Variants in WASF3 observed in about 807,000 individuals in gnomAD.
WASF3 encodes the protein actin-binding protein WASF3.
In WASF3, 11 loss-of-function variants were observed where a neutral mutation model predicts 46.6. The ratio of observed to expected loss-of-function variants is 0.24; its 90% CI spans 0.15 to 0.39. The LOEUF (loss-of-function observed/expected upper bound fraction) is 0.39. Ranked by LOEUF, WASF3 falls within the 10% of genes least tolerant of loss-of-function variation. WASF3 has a pLI of 1.00. For synonymous variants in WASF3, 242 were observed against 259.7 expected (o/e 0.93, Z 0.65); for missense variants, 576 against 669.8 (o/e 0.86, Z 1.55).
chr13:26,565,790 T>G (rs566194150), intron 1 of WASF3, among the ~76,000 whole-genome samples: 12 of 152,322 alleles, frequency 7.9e-5, no homozygotes, highest in African/African-American at 2.6e-4. Context: ...TTAGAATGGT[T>G]ACAAAGTTTA....
At chr13:26,596,242 A>T (rs1880456923) in intron 1 of WASF3, among the ~76,000 whole-genome samples, 1 of 150,526 alleles carries the variant, frequency 6.6e-6, no homozygotes, top group South Asian at 2.1e-4. Context: ...AATAATGTTG[A>T]CCATCTTTTC....
intron 1 of WASF3, among the ~76,000 whole-genome samples, chr13:26,591,015 G>A (rs1296164678): frequency 6.6e-6 from 1 of 151,772 alleles, no homozygotes; most frequent in Non-Finnish European, 1.5e-5. Context: ...GAGGTGTGAG[G>A]GACTGAGCCA....
chr13:26,622,521 G>C (rs1359050983), intron 2 of WASF3: 8 of 152,206 alleles, frequency 5.3e-5, no homozygotes, highest in African/African-American at 1.9e-4. Flanking sequence ...ATAGAGTAGT[G>C]GTGGTGTTCT....
the WASF3 span, among the ~76,000 whole-genome samples, chr13:26,546,926 G>A: frequency 1.3e-5 from 2 of 152,064 alleles, no homozygotes; most frequent in Non-Finnish European, 2.9e-5. Flanking sequence ...TCTTCATCAA[G>A]CTCATGCTTT....
chr13:26,680,452 C>A (rs934410359), intron 7 of WASF3, among the ~76,000 whole-genome samples: 4 of 152,206 alleles, frequency 2.6e-5, no homozygotes, highest in African/African-American at 9.6e-5. Flanking sequence ...AGATCCCTTT[C>A]CTTTCGGAGT....
At chr13:26,654,576 G>A (rs1882413671) in intron 3 of WASF3, among the ~76,000 whole-genome samples, 1 of 152,174 alleles carries the variant, frequency 6.6e-6, no homozygotes, top group African/African-American at 2.4e-5. Context: ...GTCGATGCTT[G>A]AATATTTGCT....
At chr13:26,642,815 C>T (rs1451613954) in intron 3 of WASF3, among the ~76,000 whole-genome samples, 4 of 152,150 alleles carry the variant, frequency 2.6e-5, no homozygotes, top group Non-Finnish European at 5.9e-5. Context: ...ATGCCTGGCA[C>T]ATAGTACCTA....
intron 1 of WASF3, among the ~76,000 whole-genome samples, chr13:26,576,183 TG>T (rs1332184458): frequency 6.6e-6 from 1 of 152,180 alleles, no homozygotes; most frequent in African/African-American, 2.4e-5. Flanking sequence ...TTCTTATGGT[TG>T]TTTTTCTACT....
intron 3 of WASF3, among the ~76,000 whole-genome samples, chr13:26,645,376 A>G (rs1342298703): frequency 6.6e-6 from 1 of 152,116 alleles, no homozygotes; most frequent in African/African-American, 2.4e-5. Context: ...GTGAGAAATA[A>G]ATTTCTATTG....
intron 1 of WASF3, among the ~76,000 whole-genome samples, chr13:26,605,960 G>A (rs1880782482): frequency 6.6e-6 from 1 of 152,190 alleles, no homozygotes; most frequent in Admixed American, 6.5e-5. Context: ...CACATTGATT[G>A]AGAGGGTGCC....
At position 26,595,239 on chromosome 13, in the gene WASF3, A is replaced by G. The variant is rs193008812; in HGVS notation, c.-108-17722A>G. Among the ~76,000 whole-genome samples the G allele has an allele frequency of 1.3e-4, 20 of 152,276 alleles. No homozygotes were observed. The East Asian group carries it at 3.3e-3, about 25-fold the overall frequency. ...CCTGTTTCTGTCTGATATTGTTTCC[A>G]TTCAGTCTGAAGAACTTCAGCATCT... is the stretch of plus-strand genomic sequence containing the variant. On this transcript the variant is annotated intron_variant, in intron 1 of 9. Transcript: ENST00000335327.
intron 1 of WASF3, among the ~76,000 whole-genome samples, chr13:26,582,398 G>A (rs945774236): frequency 3.3e-5 from 5 of 151,974 alleles, no homozygotes; most frequent in Admixed American, 1.3e-4. Flanking sequence ...AAGCCGGGCC[G>A]GGCACGGTGG....
intron 1 of WASF3, among the ~76,000 whole-genome samples, chr13:26,586,928 C>T (rs1880144120): frequency 6.6e-6 from 1 of 151,048 alleles, no homozygotes; most frequent in Non-Finnish European, 1.5e-5. Flanking sequence ...ATGGCGAAAC[C>T]CTGTCTTTAC....
intron 2 of WASF3, among the ~76,000 whole-genome samples, chr13:26,627,772 A>T (rs1881513631): frequency 6.6e-6 from 1 of 151,982 alleles, no homozygotes; most frequent in South Asian, 2.1e-4. Context: ...TTTAAAATAG[A>T]TATACCTAAT....
chr13:26,669,514 AT>A (rs35329241), intron 5 of WASF3, among the ~76,000 whole-genome samples: 99,694 of 149,928 alleles, frequency 0.66, 33,877 homozygotes, highest in African/African-American at 0.81. Context: ...TGAAAAAAAA[AT>A]TTTTTTTTTT....
chr13:26,554,101 T>TTCTTTC (rs1198226548), upstream of WASF3, among the ~76,000 whole-genome samples: 1 of 112,772 alleles, frequency 8.9e-6, no homozygotes, highest in African/African-American at 4.0e-5. Flanking sequence ...CCTTCCTTCT[T>TTCTTTC]TCTTTCTTTC....
chr13:26,667,115 G>C (rs938215140), intron 4 of WASF3, among the ~76,000 whole-genome samples: 1 of 152,156 alleles, frequency 6.6e-6, no homozygotes, highest in Admixed American at 6.5e-5. Context: ...TTTTGCAGAA[G>C]TATTTCCCAC....
chr13:26,637,130 G>A (rs2137274388), intron 2 of WASF3, among the ~76,000 whole-genome samples: 1 of 152,324 alleles, frequency 6.6e-6, no homozygotes, highest in East Asian at 1.9e-4. Context: ...CAGCTAGGTT[G>A]TTGCTGGAAT....
At chr13:26,677,248 G>A (rs1030828997) in intron 7 of WASF3, among the ~76,000 whole-genome samples, 8 of 152,178 alleles carry the variant, frequency 5.3e-5, no homozygotes, top group African/African-American at 1.2e-4. Context: ...TTCTATTGGC[G>A]TTTACTTAAA....
Sources: allele counts gnomAD v4.1 joint callset (sites outside exome capture counted in the v4.1 genomes callset), GRCh38; gene constraint gnomAD v4.1.1; transcripts MANE v1.5; gene names NCBI Gene and HGNC (gene_info 2026-07-23, HGNC 2026-07-21).